Variants in EXOC6B observed in about 807,000 individuals in gnomAD.
EXOC6B encodes SEC15 homolog B.
EXOC6B carries 54 observed loss-of-function variants against 113.5 expected under a neutral mutation model. The observed-to-expected ratio is 0.48, with a 90% CI of 0.38 to 0.60. The LOEUF (loss-of-function observed/expected upper bound fraction) is 0.60. Ranked by LOEUF, EXOC6B falls within the 20% of genes least tolerant of loss-of-function variation. The pLI is 0.00. For missense variants in EXOC6B, 797 were observed against 977.5 expected, an observed-to-expected ratio of 0.82 and a Z score of 2.46; for synonymous variants, 357 against 339.0, an observed-to-expected ratio of 1.05 and a Z score of -0.58.
intron 1 of EXOC6B, 125 bp from the exon 2 acceptor site, chr2:72,741,594 G>T: frequency 5.6e-6 from 4 of 714,980 alleles, no homozygotes; most frequent in South Asian, 2.6e-5. Context: ...ATATTAACAT[G>T]CCTTATTGTT....
At chr2:72,182,564 G>A (rs899994637) in intron 21 of EXOC6B, among the ~76,000 whole-genome samples, 6 of 151,982 alleles carry the variant, frequency 3.9e-5, no homozygotes, top group African/African-American at 7.2e-5. Context: ...AGCTCCCTTC[G>A]GTCAGGGCTT....
chr2:72,744,505 C>T (rs1681564725), intron 1 of EXOC6B, among the ~76,000 whole-genome samples: 1 of 152,226 alleles, frequency 6.6e-6, no homozygotes, highest in Non-Finnish European at 1.5e-5. Context: ...CTTAACTTTT[C>T]CCCCTTTCAA....
chr2:72,367,773 T>C (rs889131712), intron 19 of EXOC6B, among the ~76,000 whole-genome samples: 19 of 152,138 alleles, frequency 1.2e-4, no homozygotes, highest in Non-Finnish European at 2.8e-4. Context: ...TTGAACTCAG[T>C]GCTGCCCTGT....
rs553856445 is a variant in EXOC6B at position 72,742,583 on chromosome 2, T to C, written c.114-1114A>G. 4.6e-5 allele frequency among the ~76,000 whole-genome samples: 7 copies of C among 152,320 alleles called. No homozygotes were observed. In the South Asian group the frequency reaches 1.0e-3, roughly 23 times the overall value. On this transcript the variant is annotated intron_variant, in intron 1 of 21. Coordinates refer to ENST00000272427, the MANE Select transcript of EXOC6B (RefSeq NM_015189.3). ...AAAGTATTCATTGTACTCCACCTAA[T>C]AGCAGCATTTGATATGGTTTTATAT... is the stretch of plus-strand genomic sequence containing the variant.
chr2:72,633,232 C>T (rs1672592819), intron 6 of EXOC6B, among the ~76,000 whole-genome samples: 1 of 152,326 alleles, frequency 6.6e-6, no homozygotes, highest in South Asian at 2.1e-4. Flanking sequence ...GAAGCACATT[C>T]CTGGAGACCT....
intron 6 of EXOC6B, among the ~76,000 whole-genome samples, 200 bp from the exon 7 acceptor site, chr2:72,575,868 A>G (rs953656087): frequency 6.6e-6 from 1 of 152,166 alleles, no homozygotes; most frequent in Non-Finnish European, 1.5e-5. Context: ...AAACCATCAC[A>G]TTAATGTATA....
intron 19 of EXOC6B, among the ~76,000 whole-genome samples, chr2:72,342,842 A>G (rs764668332): frequency 6.6e-6 from 1 of 152,210 alleles, no homozygotes; most frequent in Non-Finnish European, 1.5e-5. Context: ...AACTATAGTT[A>G]CCGTATGATC....
chr2:72,662,361 G>A (rs1355516684), intron 6 of EXOC6B, among the ~76,000 whole-genome samples: 1 of 152,038 alleles, frequency 6.6e-6, no homozygotes, highest in East Asian at 1.9e-4. Context: ...CAAAAGACAC[G>A]GTTAAAAAGC....
Position 72,825,697 on chromosome 2 carries a change from C to A in EXOC6B, c.113+101G>T, listed in dbSNP as rs1306743415. ...TGCAGGGTCTCTCCGAAGGGAGGGG[C>A]CGGCGCCGGACCTGGGGACAGCCGG... is the stretch of plus-strand genomic sequence containing the variant. On this transcript the variant is annotated intron_variant, in intron 1 of 21. Transcript: ENST00000272427. This position sits in a 1 kb window ranked among gnomAD's most constrained non-coding sequence, Gnocchi z 4.4. 3.0e-6 allele frequency: 4 copies of A among 1,339,464 alleles called. No homozygotes were observed. Among genetic ancestry groups the A allele is most frequent in the Non-Finnish European group, 3.9e-6 (4 of 1,025,036 alleles). The allele number at this position is 1,339,464 out of a possible 1,614,324, so 83.0% of individuals were successfully genotyped here. A position where few individuals can be genotyped will look rare whatever the true frequency, so the allele number is the denominator to read the frequency against.
rs144876458 is a variant in EXOC6B, at chr2:72,387,328, T to G, written c.1981-7458A>C. 5.7e-3 allele frequency among the ~76,000 whole-genome samples: 870 copies of G among 152,312 alleles called. 10 individuals carry two copies. The highest frequency in any genetic ancestry group is 0.019 in the African/African-American group (803 of 41,562). On this transcript the variant is annotated intron_variant, in intron 18 of 21. Transcript: ENST00000272427. The stretch of plus-strand genomic sequence containing the variant: ...ATATTGTCATTGTTTGATTTTGCTA[T>G]TAGAGTAATGTTGGTCTCATAAAAT...
chr2:72,269,971 T>C (rs1484184631), intron 20 of EXOC6B, among the ~76,000 whole-genome samples: 1 of 152,064 alleles, frequency 6.6e-6, no homozygotes, highest in Non-Finnish European at 1.5e-5. Flanking sequence ...ATAATAATAA[T>C]AGGGGATGTG....
intron 20 of EXOC6B, 47 bp from the exon 21 acceptor site, chr2:72,184,234 G>T: frequency 1.0e-6 from 1 of 971,220 alleles, no homozygotes; most frequent in Non-Finnish European, 1.6e-6. Flanking sequence ...AGACAGACAA[G>T]ACAAACCAAG....
chr2:72,799,273 TAATAA>T (rs1685155578), intron 1 of EXOC6B, among the ~76,000 whole-genome samples: 4 of 94,038 alleles, frequency 4.3e-5, no homozygotes. Flanking sequence ...AAACATAAAA[TAATAA>T]AATAAAATAT....
At chr2:72,371,836 T>C (rs1691041025) in intron 19 of EXOC6B, among the ~76,000 whole-genome samples, 1 of 151,870 alleles carries the variant, frequency 6.6e-6, no homozygotes, top group African/African-American at 2.4e-5. Context: ...ATAGAGCAAT[T>C]AAACAAGAAA....
intron 6 of EXOC6B, among the ~76,000 whole-genome samples, chr2:72,606,704 C>T (rs1223628153): frequency 6.6e-6 from 1 of 151,008 alleles, no homozygotes; most frequent in Admixed American, 6.6e-5. Context: ...TCTCGGTTCA[C>T]TGCAACCTCC....
intron 6 of EXOC6B, among the ~76,000 whole-genome samples, chr2:72,657,495 G>A (rs920028356): frequency 1.3e-5 from 2 of 148,698 alleles, no homozygotes; most frequent in African/African-American, 2.5e-5. Flanking sequence ...GTCTCCCAAA[G>A]TGCTGGGATT....
chr2:72,293,716 C>T (rs1290290048), intron 20 of EXOC6B, among the ~76,000 whole-genome samples: 1 of 152,140 alleles, frequency 6.6e-6, no homozygotes, highest in Non-Finnish European at 1.5e-5. Context: ...ATAAGTAATA[C>T]AGTCCTAACT....
chr2:72,723,667 T>C (rs890809535), intron 5 of EXOC6B, among the ~76,000 whole-genome samples: 1 of 150,602 alleles, frequency 6.6e-6, no homozygotes, highest in Non-Finnish European at 1.5e-5. Context: ...TTCTGTGCGC[T>C]AGAGATAGAA....
At position 72,321,570 on chromosome 2, in the gene EXOC6B, G is replaced by A. The variant is rs1005880791; in HGVS notation, c.2196+13377C>T. 2.1e-4 allele frequency among the ~76,000 whole-genome samples: 32 copies of A among 149,380 alleles called. 1 individual carries two copies. The highest frequency in any genetic ancestry group is 4.2e-4 in the African/African-American group (17 of 40,778). On this transcript the variant is annotated intron_variant, in intron 20 of 21. Transcript: ENST00000272427. The stretch of plus-strand genomic sequence containing the variant: ...AAAAAAAAATGGAGTACTAACATAT[G>A]CAAAAACAGAGATGAATCTCAAAAG...
Sources: gnomAD v4.1 joint callset for allele counts (sites outside exome capture counted in the v4.1 genomes callset) on GRCh38, gnomAD v4.1.1 for gene constraint, Gnocchi (gnomAD v3.1) non-coding constraint, MANE v1.5 for transcripts, NCBI Gene and HGNC (gene_info 2026-07-23, HGNC 2026-07-21) for gene names.